CENPW: variants seen among roughly 807,000 people sequenced by gnomAD.
The protein encoded by CENPW is centromere protein W, also known as cancer-up-regulated gene 2 protein.
In CENPW, 3 loss-of-function variants were observed where a neutral mutation model predicts 11.1. The ratio of observed to expected loss-of-function variants is 0.27; its 90% CI spans 0.12 to 0.70. The LOEUF is 0.70. CENPW is among the 30% of genes least tolerant of loss of function. The pLI, the probability that CENPW is intolerant of heterozygous loss-of-function variation, is 0.77. For synonymous variants in CENPW, 38 were observed against 42.0 expected (o/e 0.91, Z 0.37); for missense variants, 100 against 105.6 (o/e 0.95, Z 0.23).
the CENPW span, among the ~76,000 whole-genome samples, chr6:126,457,066 G>C: frequency 1.3e-5 from 2 of 151,394 alleles, no homozygotes; most frequent in Non-Finnish European, 3.0e-5. Flanking sequence ...AGGTTGCAAA[G>C]AAAAAGGAAT....
chr6:126,446,042 G>A, the CENPW span, among the ~76,000 whole-genome samples: 3 of 150,922 alleles, frequency 2.0e-5, no homozygotes, highest in African/African-American at 7.3e-5. Flanking sequence ...CAATTGAAAC[G>A]ATCACAATTC....
the CENPW span, among the ~76,000 whole-genome samples, chr6:126,397,578 G>C: frequency 6.6e-6 from 1 of 152,076 alleles, no homozygotes; most frequent in Non-Finnish European, 1.5e-5. Context: ...TTTTGTGTGT[G>C]TGTATAGATG....
the CENPW span, among the ~76,000 whole-genome samples, chr6:126,418,285 C>T: frequency 2.6e-5 from 4 of 152,238 alleles, no homozygotes; most frequent in Admixed American, 1.3e-4. Flanking sequence ...CACACAAATA[C>T]TTTTACATAA....
intron 1 of CENPW, 128 bp from the exon 2 acceptor site, chr6:126,346,074 TAGA>T (rs1223369993): frequency 2.0e-6 from 1 of 495,426 alleles, no homozygotes; most frequent in African/African-American, 1.9e-5. Context: ...TAATTTTAAA[TAGA>T]AGAGTTAATT....
At chr6:126,477,167 A>G in the CENPW span, among the ~76,000 whole-genome samples, 16 of 151,954 alleles carry the variant, frequency 1.1e-4, no homozygotes, top group African/African-American at 3.6e-4. Flanking sequence ...TTTTGCTAAC[A>G]TCCTCTGTCT....
chr6:126,429,067 C>A, the CENPW span, among the ~76,000 whole-genome samples: 8 of 152,082 alleles, frequency 5.3e-5, no homozygotes, highest in South Asian at 6.2e-4. Flanking sequence ...ATTTATTTAA[C>A]CTGTTTCTCA....
the CENPW span, among the ~76,000 whole-genome samples, chr6:126,358,022 T>G: frequency 6.6e-6 from 1 of 152,212 alleles, no homozygotes; most frequent in Admixed American, 6.5e-5. Context: ...GTTTGAATGT[T>G]ATTGATTTAT....
At chr6:126,476,973 A>G in the CENPW span, among the ~76,000 whole-genome samples, 9 of 151,986 alleles carry the variant, frequency 5.9e-5, no homozygotes, top group Non-Finnish European at 1.3e-4. Context: ...AATTCTCCCT[A>G]TATAGTAAAT....
At chr6:126,414,912 A>T in the CENPW span, among the ~76,000 whole-genome samples, 1 of 152,040 alleles carries the variant, frequency 6.6e-6, no homozygotes, top group Non-Finnish European at 1.5e-5. Flanking sequence ...AAACAAAAAA[A>T]TTATAATTGA....
chr6:126,480,643 C>A, the CENPW span, among the ~76,000 whole-genome samples: 1 of 151,888 alleles, frequency 6.6e-6, no homozygotes, highest in African/African-American at 2.4e-5. Context: ...TAAAAACATC[C>A]CAAAATGCTG....
chr6:126,385,030 A>G, the CENPW span, among the ~76,000 whole-genome samples: 1 of 152,180 alleles, frequency 6.6e-6, no homozygotes, highest in East Asian at 1.9e-4. Context: ...AATGATTATT[A>G]GAGAAAAGTA....
chr6:126,425,883 C>CT, the CENPW span, among the ~76,000 whole-genome samples: 20 of 150,000 alleles, frequency 1.3e-4, no homozygotes, highest in East Asian at 3.9e-4. Context: ...CCTTAGGATA[C>CT]TTTTTTTTTA....
At chr6:126,374,631 T>G in the CENPW span, among the ~76,000 whole-genome samples, 3 of 152,130 alleles carry the variant, frequency 2.0e-5, no homozygotes, top group Non-Finnish European at 2.9e-5. Context: ...ACAATACATA[T>G]CTCCTGTGAA....
the CENPW span, among the ~76,000 whole-genome samples, chr6:126,421,872 CTA>C: frequency 6.6e-6 from 1 of 152,132 alleles, no homozygotes; most frequent in African/African-American, 2.4e-5. Flanking sequence ...TTCTGCTCCA[CTA>C]TTATTTTCAT....
At chr6:126,370,539 T>G in the CENPW span, among the ~76,000 whole-genome samples, 1 of 152,084 alleles carries the variant, frequency 6.6e-6, no homozygotes, top group Non-Finnish European at 1.5e-5. Context: ...GTAAAAGGGG[T>G]TGAGTTTTTT....
chr6:126,346,972 T>C (rs1445941039), intron 2 of CENPW, among the ~76,000 whole-genome samples: 3 of 152,178 alleles, frequency 2.0e-5, no homozygotes, highest in African/African-American at 7.2e-5. Flanking sequence ...AAAAATCTCT[T>C]ATAAGTAGAG....
chr6:126,476,087 A>G, the CENPW span, among the ~76,000 whole-genome samples: 1 of 151,360 alleles, frequency 6.6e-6, no homozygotes, highest in Non-Finnish European at 1.5e-5. Flanking sequence ...GTTTTCCTAT[A>G]GAAAAAAAAA....
chr6:126,456,516 A>T, the CENPW span, among the ~76,000 whole-genome samples: 1 of 151,668 alleles, frequency 6.6e-6, no homozygotes, highest in Non-Finnish European at 1.5e-5. Flanking sequence ...GAAGATTGAA[A>T]CTGGACCTCT....
At chr6:126,443,399 G>A in the CENPW span, among the ~76,000 whole-genome samples, 18 of 151,038 alleles carry the variant, frequency 1.2e-4, no homozygotes, top group Admixed American at 1.1e-3. Context: ...TGTGTTTTCT[G>A]TAAACTAGCG....
Sources: allele counts gnomAD v4.1 joint callset (sites outside exome capture counted in the v4.1 genomes callset), GRCh38; gene constraint gnomAD v4.1.1; transcripts MANE v1.5; gene names NCBI Gene and HGNC (gene_info 2026-07-23, HGNC 2026-07-21).